SRGAP2B: variants seen among roughly 807,000 people sequenced by gnomAD.
The protein encoded by SRGAP2B is SLIT-ROBO Rho GTPase-activating protein 2B.
Under a neutral mutation model 22.2 loss-of-function variants are expected in SRGAP2B, and 9 were observed. The ratio of observed to expected loss-of-function variants is 0.41; its 90% CI spans 0.24 to 0.71. The LOEUF is 0.71. Ranked by LOEUF, SRGAP2B falls within the 30% of genes least tolerant of loss-of-function variation. SRGAP2B has a pLI of 0.35. For missense variants in SRGAP2B, 114 were observed against 235.8 expected (o/e 0.48, Z 3.38); for synonymous variants, 36 against 87.4 (o/e 0.41, Z 3.28).
intron 4 of SRGAP2B, among the ~76,000 whole-genome samples, chr1:144,931,642 C>T (rs1665190803): frequency 6.6e-6 from 1 of 150,854 alleles, no homozygotes. Context: ...TTTAGATTTG[C>T]TTTAAATCCC....
chr1:144,924,682 A>G (rs2101795800), intron 4 of SRGAP2B, among the ~76,000 whole-genome samples: 1 of 150,610 alleles, frequency 6.6e-6, no homozygotes, highest in East Asian at 2.0e-4. Flanking sequence ...CAGTGAGCCA[A>G]GATCGCACCA....
At chr1:145,041,104 T>C (rs1387492188) in intron 2 of SRGAP2B, among the ~76,000 whole-genome samples, 3 of 109,474 alleles carry the variant, frequency 2.7e-5, no homozygotes, top group African/African-American at 3.9e-5. Context: ...TATATATATA[T>C]ATAGTCTGCT....
chr1:144,995,112 G>A (rs1478088045), exon 3 of SRGAP2B: 1 of 1,388,686 alleles, frequency 7.2e-7, no homozygotes, highest in Non-Finnish European at 9.8e-7. Context: ...TCTTTCGGAA[G>A]AAGTCCTGGA....
exon 10 of SRGAP2B, chr1:144,891,702 C>A: frequency 1.0e-5 from 1 of 100,008 alleles, no homozygotes; most frequent in East Asian, 2.6e-4. Flanking sequence ...TATTACCCAT[C>A]CTTTAAGTTT....
chr1:144,944,630 T>G (rs1433833072), intron 4 of SRGAP2B, among the ~76,000 whole-genome samples: 1 of 143,460 alleles, frequency 7.0e-6, no homozygotes, highest in African/African-American at 2.7e-5. Flanking sequence ...ATAAAAAAAA[T>G]TCATTGGATG....
intron 2 of SRGAP2B, among the ~76,000 whole-genome samples, chr1:144,995,650 G>A (rs1223444770): frequency 7.4e-6 from 1 of 135,138 alleles, no homozygotes; most frequent in Non-Finnish European, 1.6e-5. Flanking sequence ...GGTGAAGCTG[G>A]GATTCAAACC....
chr1:144,985,409 GAA>G (rs1189485035), intron 3 of SRGAP2B, among the ~76,000 whole-genome samples: 1 of 130,530 alleles, frequency 7.7e-6, no homozygotes, highest in East Asian at 2.2e-4. Flanking sequence ...AAACTCAACA[GAA>G]AAAAAAAAGC....
intron 3 of SRGAP2B, 42 bp from the exon 4 acceptor site, chr1:144,955,643 C>T: frequency 1.6e-6 from 1 of 641,252 alleles, no homozygotes; most frequent in East Asian, 2.8e-5. Flanking sequence ...TGTTGATACG[C>T]AGCCAGGGCA....
chr1:145,009,131 G>A (rs1553621750), intron 2 of SRGAP2B, among the ~76,000 whole-genome samples: 1 of 139,774 alleles, frequency 7.2e-6, no homozygotes, highest in East Asian at 2.1e-4. Context: ...GAGCTGAGAT[G>A]GCACCACTGC....
At chr1:145,015,526 T>A (rs1191973307) in intron 2 of SRGAP2B, among the ~76,000 whole-genome samples, 2 of 143,020 alleles carry the variant, frequency 1.4e-5, no homozygotes, top group Admixed American at 1.4e-4. Flanking sequence ...TAAGAAGTAA[T>A]TGCAATGTAA....
At chr1:145,020,053 T>C (rs1672681515) in intron 2 of SRGAP2B, among the ~76,000 whole-genome samples, 5 of 149,788 alleles carry the variant, frequency 3.3e-5, no homozygotes, top group Admixed American at 2.0e-4. Context: ...TTACCTCCTT[T>C]AAATTTTTGC....
rs1237233530 is a variant in SRGAP2B at position 144,905,815 on chromosome 1, C to T, written c.702+44G>A. 2.3e-5 allele frequency: 16 copies of T among 708,632 alleles called. 2 individuals carry two copies. The highest frequency in any genetic ancestry group is 6.0e-5 in the South Asian group (4 of 66,878). 43.9% of individuals were successfully genotyped at this position (708,632 alleles called of 1,614,324 possible). On this transcript the variant is annotated intron_variant, in intron 6 of 9. Transcript: ENST00000612199. The stretch of plus-strand genomic sequence containing the variant: ...GAAATTCCTATCAGCCATGCCTTAC[C>T]GAATGTTGCTTCCCAGCATCTACAG...
intron 7 of SRGAP2B, among the ~76,000 whole-genome samples, chr1:144,902,740 CGACAGAGAGA>C (rs1662726328): frequency 1.5e-5 from 2 of 137,732 alleles, no homozygotes; most frequent in Admixed American, 1.5e-4. Flanking sequence ...CCAGCCTGGG[CGACAGAGAGA>C]GACTCCTTCT....
chr1:145,044,650 T>TAAAAA (rs1184404731), intron 2 of SRGAP2B, among the ~76,000 whole-genome samples: 8 of 30,682 alleles, frequency 2.6e-4, no homozygotes, highest in African/African-American at 3.9e-4. Flanking sequence ...AACCCCCTCC[T>TAAAAA]AAAAAAAAAA....
At chr1:145,009,582 C>T (rs587652844) in intron 2 of SRGAP2B, among the ~76,000 whole-genome samples, 3 of 141,320 alleles carry the variant, frequency 2.1e-5, no homozygotes, top group Admixed American at 7.1e-5. Flanking sequence ...AGCGAGACTC[C>T]GTCTCAAAAA....
At position 145,061,515 on chromosome 1, in the gene SRGAP2B, C is replaced by A. The variant is rs1304108028; in HGVS notation, c.67+31320G>T. Among the ~76,000 whole-genome samples the A allele has an allele frequency of 3.1e-4, 45 of 145,176 alleles. 1 individual carries two copies. The highest frequency in any genetic ancestry group is 5.3e-4 in the Non-Finnish European group (35 of 66,486). ...TTTATGAAAGAAAGTCAACTGAACT[C>A]TACTTGAAAGATCCACACTTTAAGA... On this transcript the variant is annotated intron_variant, in intron 2 of 9. Coordinates refer to ENST00000612199, the Ensembl canonical transcript of SRGAP2B.
At chr1:144,974,097 A>G (rs1668731891) in intron 3 of SRGAP2B, among the ~76,000 whole-genome samples, 2 of 150,998 alleles carry the variant, frequency 1.3e-5, no homozygotes, top group South Asian at 4.2e-4. Flanking sequence ...CAACAGCCAT[A>G]GCTTGATTAT....
chr1:145,017,789 C>T (rs868983309), intron 2 of SRGAP2B, among the ~76,000 whole-genome samples: 4 of 149,716 alleles, frequency 2.7e-5, no homozygotes, highest in Non-Finnish European at 4.4e-5. Flanking sequence ...GAATCTTTGG[C>T]GGATTCCAAC....
intron 3 of SRGAP2B, among the ~76,000 whole-genome samples, chr1:144,965,298 C>T (rs7516265): frequency 1.7e-4 from 25 of 145,470 alleles, no homozygotes; most frequent in African/African-American, 4.8e-4. Context: ...GATCTGAGAA[C>T]GGGCAGACTG....
Sources: allele counts gnomAD v4.1 joint callset (sites outside exome capture counted in the v4.1 genomes callset), GRCh38; gene constraint gnomAD v4.1.1; transcripts MANE v1.5; gene names NCBI Gene and HGNC (gene_info 2026-07-23, HGNC 2026-07-21).